Variants in RAPGEF4 observed in about 807,000 individuals in gnomAD.
RAPGEF4 encodes RAP guanine-nucleotide-exchange factor (GEF) 4.
Under a neutral mutation model 147.9 loss-of-function variants are expected in RAPGEF4, and 66 were observed. That is an observed-to-expected ratio of 0.45 (90% confidence interval 0.37 to 0.55). RAPGEF4 has a LOEUF of 0.55. Among genes scored for constraint, RAPGEF4 ranks in the 20% least tolerant of loss-of-function variants. The pLI is 0.00. For missense variants in RAPGEF4, 1,071 were observed against 1,257.3 expected, an observed-to-expected ratio of 0.85 and a Z score of 2.24; for synonymous variants, 419 against 442.7, an observed-to-expected ratio of 0.95 and a Z score of 0.67.
chr2:172,857,902 A>G (rs1414040104), intron 4 of RAPGEF4, among the ~76,000 whole-genome samples: 5 of 7,334 alleles, frequency 6.8e-4, no homozygotes, highest in Non-Finnish European at 1.7e-3. Flanking sequence ...AAAAAAAAAA[A>G]AAAAAAAAAA....
intron 4 of RAPGEF4, among the ~76,000 whole-genome samples, chr2:172,864,111 A>ATTTTCCTG (rs1694346066): frequency 6.6e-6 from 1 of 152,088 alleles, no homozygotes; most frequent in South Asian, 2.1e-4. Context: ...GAAAAGTAGG[A>ATTTTCCTG]TTTTCCTGTC....
chr2:172,949,405 G>C (rs995931101), intron 6 of RAPGEF4, among the ~76,000 whole-genome samples: 4 of 152,140 alleles, frequency 2.6e-5, no homozygotes, highest in African/African-American at 9.7e-5. Flanking sequence ...TCCTGAGGGT[G>C]CACTCAGGAT....
chr2:172,843,232 G>A (rs548410720), intron 4 of RAPGEF4, among the ~76,000 whole-genome samples: 5 of 152,246 alleles, frequency 3.3e-5, no homozygotes, highest in South Asian at 2.1e-4. Context: ...GGAATAATAC[G>A]ATGTTCAAAA....
chr2:172,935,332 G>A (rs1211503944), intron 6 of RAPGEF4, among the ~76,000 whole-genome samples: 1 of 152,166 alleles, frequency 6.6e-6, no homozygotes, highest in African/African-American at 2.4e-5. Context: ...CAATGAGGGA[G>A]CATAGGGGAA....
At chr2:172,946,824 A>T in intron 6 of RAPGEF4, among the ~76,000 whole-genome samples, 1 of 152,210 alleles carries the variant, frequency 6.6e-6, no homozygotes, top group East Asian at 1.9e-4. Context: ...AGGCATGGGC[A>T]TCCCTCTGAC....
At chr2:172,944,824 A>G (rs998971146) in intron 6 of RAPGEF4, among the ~76,000 whole-genome samples, 1 of 152,208 alleles carries the variant, frequency 6.6e-6, no homozygotes, top group Non-Finnish European at 1.5e-5. Context: ...AAAAGAACAC[A>G]AGAACATTTG....
At chr2:172,964,081 A>T (rs563851045) in intron 8 of RAPGEF4, among the ~76,000 whole-genome samples, 1 of 152,224 alleles carries the variant, frequency 6.6e-6, no homozygotes, top group Admixed American at 6.5e-5. Context: ...AATTGATTTT[A>T]TGTATTTTTA....
intron 29 of RAPGEF4, among the ~76,000 whole-genome samples, chr2:173,037,685 AAT>A (rs145805598): frequency 1.5e-3 from 222 of 152,164 alleles, no homozygotes; most frequent in African/African-American, 5.1e-3. Flanking sequence ...CCCGGTCATG[AAT>A]TGCAGTGTGA....
chr2:172,923,608 A>G (rs952109059), intron 6 of RAPGEF4, among the ~76,000 whole-genome samples: 7 of 152,184 alleles, frequency 4.6e-5, no homozygotes, highest in African/African-American at 1.7e-4. Context: ...TTCAAATGTT[A>G]CACCAAAATT....
At chr2:172,747,097 A>C (rs1264548727) in intron 1 of RAPGEF4, among the ~76,000 whole-genome samples, 6 of 152,218 alleles carry the variant, frequency 3.9e-5, no homozygotes, top group Non-Finnish European at 5.9e-5. Context: ...TATTATGTGA[A>C]ATTTCAATTC....
intron 1 of RAPGEF4, among the ~76,000 whole-genome samples, chr2:172,758,685 G>A (rs1453021142): frequency 6.6e-6 from 1 of 152,150 alleles, no homozygotes; most frequent in African/African-American, 2.4e-5. Flanking sequence ...AAGCATTTTG[G>A]GCTGGGTCAT....
At chr2:173,005,528 T>TG (rs1694369037) in intron 17 of RAPGEF4, among the ~76,000 whole-genome samples, 2 of 137,006 alleles carry the variant, frequency 1.5e-5, no homozygotes, top group East Asian at 4.1e-4. Flanking sequence ...GTGTTTTTTT[T>TG]TTTTTTTTTT....
chr2:172,990,952 G>T, intron 15 of RAPGEF4, 27 bp downstream of exon 15: 1 of 1,497,458 alleles, frequency 6.7e-7, no homozygotes, highest in Non-Finnish European at 9.3e-7. Flanking sequence ...CACTGTAATT[G>T]CCAGACTATG....
At chr2:172,959,747 G>A (rs1208630069) in intron 6 of RAPGEF4, among the ~76,000 whole-genome samples, 1 of 152,190 alleles carries the variant, frequency 6.6e-6, no homozygotes, top group Non-Finnish European at 1.5e-5. Context: ...ATGTGTAGCT[G>A]TGTGGAAGTA....
intron 4 of RAPGEF4, among the ~76,000 whole-genome samples, chr2:172,910,205 T>C (rs142369961): frequency 6.2e-4 from 95 of 152,378 alleles, no homozygotes; most frequent in African/African-American, 2.2e-3. Context: ...TGGTGCCATC[T>C]GGTTTAGCAG....
intron 1 of RAPGEF4, among the ~76,000 whole-genome samples, chr2:172,750,392 A>C (rs556677949): frequency 2.3e-4 from 35 of 152,192 alleles, no homozygotes; most frequent in African/African-American, 7.7e-4. Context: ...AGAGAGAATT[A>C]GAACCAAGCA....
At chr2:172,900,168 T>C (rs1047335717) in intron 4 of RAPGEF4, among the ~76,000 whole-genome samples, 2 of 152,228 alleles carry the variant, frequency 1.3e-5, no homozygotes, top group African/African-American at 4.8e-5. Context: ...ACAGAATAAA[T>C]GCAGTAAGAG....
chr2:172,764,035 G>A (rs1009802821), intron 1 of RAPGEF4, among the ~76,000 whole-genome samples: 16 of 151,968 alleles, frequency 1.1e-4, no homozygotes, highest in Non-Finnish European at 2.2e-4. Flanking sequence ...AGGATCACTC[G>A]AACCCAGGAG....
intron 17 of RAPGEF4, among the ~76,000 whole-genome samples, chr2:173,007,020 T>C (rs73017520): frequency 6.4e-4 from 98 of 152,332 alleles, no homozygotes; most frequent in African/African-American, 2.2e-3. Flanking sequence ...TCATCAGATA[T>C]GCTAAAAAAT....
Sources: allele counts gnomAD v4.1 joint callset (sites outside exome capture counted in the v4.1 genomes callset), GRCh38; gene constraint gnomAD v4.1.1; transcripts MANE v1.5; gene names NCBI Gene and HGNC (gene_info 2026-07-23, HGNC 2026-07-21).